The following CADM2 variants were observed in gnomAD, a reference collection of about 807,000 sequenced individuals.
The protein encoded by CADM2 is immunoglobulin superfamily member 4D.
Under a neutral mutation model 49.8 loss-of-function variants are expected in CADM2, and 12 were observed. That is an observed-to-expected ratio of 0.24 (90% confidence interval 0.15 to 0.39). The LOEUF is 0.39. Among genes scored for constraint, CADM2 ranks in the 10% least tolerant of loss-of-function variants. The probability of loss-of-function intolerance (pLI) is 1.00; values close to 1 mark genes in which losing one functional copy is unlikely to be tolerated. For synonymous variants in CADM2, 214 were observed against 175.4 expected (o/e 1.22, Z -1.74); for missense variants, 378 against 492.3 (o/e 0.77, Z 2.20).
chr3:85,461,555 C>G (rs772842189), intron 1 of CADM2, among the ~76,000 whole-genome samples: 2 of 152,082 alleles, frequency 1.3e-5, no homozygotes, highest in Admixed American at 6.6e-5. Flanking sequence ...GAAAAAGTTT[C>G]AACTTTCTGG....
intron 1 of CADM2, among the ~76,000 whole-genome samples, chr3:85,049,450 A>T (rs2035796460): frequency 1.3e-5 from 2 of 151,788 alleles, no homozygotes; most frequent in Non-Finnish European, 2.9e-5. Context: ...TCCCGGGTTC[A>T]CGCCATTCTC....
chr3:85,345,047 C>A (rs1030123213), intron 1 of CADM2, among the ~76,000 whole-genome samples: 1 of 151,678 alleles, frequency 6.6e-6, no homozygotes. Flanking sequence ...TGAAGATAAC[C>A]GGGCTCATGC....
At chr3:85,782,030 T>A (rs1409092310) in intron 2 of CADM2, among the ~76,000 whole-genome samples, 1 of 152,196 alleles carries the variant, frequency 6.6e-6, no homozygotes, top group Non-Finnish European at 1.5e-5. Context: ...AAAGTAATCA[T>A]GGAAACAAAT....
chr3:85,535,981 TA>T (rs992046568), intron 1 of CADM2, among the ~76,000 whole-genome samples: 2 of 152,068 alleles, frequency 1.3e-5, no homozygotes, highest in African/African-American at 2.4e-5. Flanking sequence ...TTAAAGAGAA[TA>T]AAACTTTGGG....
chr3:85,583,091 G>A (rs935367917), intron 1 of CADM2, among the ~76,000 whole-genome samples: 1 of 152,060 alleles, frequency 6.6e-6, no homozygotes, highest in Non-Finnish European at 1.5e-5. Flanking sequence ...TTTACTATAC[G>A]TTAGGAATAA....
At chr3:85,083,564 G>T (rs1321110431) in intron 1 of CADM2, among the ~76,000 whole-genome samples, 1 of 152,026 alleles carries the variant, frequency 6.6e-6, no homozygotes, top group Non-Finnish European at 1.5e-5. Flanking sequence ...CAATGAAGTT[G>T]ACAATGAACC....
intron 5 of CADM2, among the ~76,000 whole-genome samples, chr3:85,891,349 T>C (rs1273817348): frequency 6.6e-6 from 1 of 152,174 alleles, no homozygotes; most frequent in Non-Finnish European, 1.5e-5. Context: ...AACCATGAGA[T>C]CTTTTCTACC....
At chr3:85,440,842 C>A (rs1206350636) in intron 1 of CADM2, among the ~76,000 whole-genome samples, 2 of 151,936 alleles carry the variant, frequency 1.3e-5, no homozygotes, top group Non-Finnish European at 2.9e-5. Context: ...ATTAGCCGGG[C>A]ATGATGGCAG....
rs2036706793 is a variant in CADM2 at position 85,432,089 on chromosome 3, A to G, written c.62-294433A>G. On this transcript the variant is annotated intron_variant, in intron 1 of 9. Transcript: ENST00000383699. The stretch of plus-strand genomic sequence containing the variant: ...AACAGAAGACATTGGAAAAAAAAAC[A>G]AAAGAGATTGAAAAAACAAAAGAGA... Among the ~76,000 whole-genome samples, 3 of 150,960 alleles carry G rather than the reference A, an allele frequency of 2.0e-5. No homozygotes were observed. In the South Asian group the frequency reaches 6.3e-4, roughly 32 times the overall value.
intron 1 of CADM2, among the ~76,000 whole-genome samples, chr3:85,125,742 T>C (rs1232458718): frequency 6.6e-6 from 1 of 152,216 alleles, no homozygotes; most frequent in Non-Finnish European, 1.5e-5. Flanking sequence ...CTGCCAATAA[T>C]TCATAACTGT....
chr3:85,182,608 A>T (rs2040963750), intron 1 of CADM2, among the ~76,000 whole-genome samples: 1 of 152,104 alleles, frequency 6.6e-6, no homozygotes, highest in South Asian at 2.1e-4. Flanking sequence ...TGGACGGAGG[A>T]ATATAAAATT....
At chr3:85,979,187 A>G in intron 8 of CADM2, 1 of 1,610,404 alleles carries the variant, frequency 6.2e-7, no homozygotes, top group African/African-American at 1.3e-5. Flanking sequence ...TTTGCTTCCC[A>G]CTACTATCAT....
chr3:85,133,185 G>T (rs2039289641), intron 1 of CADM2, among the ~76,000 whole-genome samples: 2 of 152,182 alleles, frequency 1.3e-5, no homozygotes, highest in Admixed American at 6.5e-5. Flanking sequence ...GTGAGCAGCA[G>T]CAAGATTTAG....
At chr3:85,330,313 C>G (rs1028548212) in intron 1 of CADM2, among the ~76,000 whole-genome samples, 1 of 152,198 alleles carries the variant, frequency 6.6e-6, no homozygotes, top group East Asian at 1.9e-4. Flanking sequence ...TTTGAACTCT[C>G]ATAGCACTTA....
chr3:85,074,070 CA>C (rs2036855147), intron 1 of CADM2, among the ~76,000 whole-genome samples: 1 of 152,068 alleles, frequency 6.6e-6, no homozygotes, highest in Non-Finnish European at 1.5e-5. Flanking sequence ...ATTGTAAGTT[CA>C]TGTGACTACC....
intron 1 of CADM2, among the ~76,000 whole-genome samples, chr3:85,620,622 T>TA (rs951096558): frequency 1.3e-5 from 2 of 152,096 alleles, no homozygotes; most frequent in Non-Finnish European, 2.9e-5. Context: ...ACAGTATTTT[T>TA]AAAAAATCAT....
intron 8 of CADM2, among the ~76,000 whole-genome samples, chr3:86,035,200 A>G (rs1735007601): frequency 6.6e-6 from 1 of 151,568 alleles, no homozygotes; most frequent in Non-Finnish European, 1.5e-5. Context: ...AGCTCCCTGA[A>G]CTCTTCCCCA....
intron 6 of CADM2, among the ~76,000 whole-genome samples, chr3:85,922,081 C>T (rs1719189357): frequency 6.6e-6 from 1 of 151,866 alleles, no homozygotes; most frequent in Admixed American, 6.6e-5. Context: ...GCTGCAGATT[C>T]ATCATCATCT....
At chr3:85,637,935 AG>A (rs2064567758) in intron 1 of CADM2, among the ~76,000 whole-genome samples, 1 of 152,200 alleles carries the variant, frequency 6.6e-6, no homozygotes, top group African/African-American at 2.4e-5. Context: ...AAAGGCATCA[AG>A]GTCCCACAAT....
Sources: gnomAD v4.1 joint callset for allele counts (sites outside exome capture counted in the v4.1 genomes callset) on GRCh38, gnomAD v4.1.1 for gene constraint, MANE v1.5 for transcripts, NCBI Gene and HGNC (gene_info 2026-07-23, HGNC 2026-07-21) for gene names.